PCDH9: variants seen among roughly 807,000 people sequenced by gnomAD.
PCDH9 encodes the protein protocadherin 9, also known as protocadherin-9.
Under a neutral mutation model 70.6 loss-of-function variants are expected in PCDH9, and 24 were observed. The ratio of observed to expected loss-of-function variants is 0.34; its 90% CI spans 0.25 to 0.48. The LOEUF (loss-of-function observed/expected upper bound fraction) is 0.48. Ranked by LOEUF, PCDH9 falls within the 20% of genes least tolerant of loss-of-function variation. The probability of loss-of-function intolerance (pLI) is 0.99; values close to 1 mark genes in which losing one functional copy is unlikely to be tolerated. For synonymous variants in PCDH9, 562 were observed against 558.5 expected, an observed-to-expected ratio of 1.01 and a Z score of -0.09; for missense variants, 1,281 against 1,503.6, an observed-to-expected ratio of 0.85 and a Z score of 2.45.
intron 4 of PCDH9, among the ~76,000 whole-genome samples, chr13:66,426,924 G>T (rs1242366636): frequency 1.3e-5 from 2 of 151,276 alleles, no homozygotes; most frequent in African/African-American, 4.8e-5. Flanking sequence ...TATAATTACT[G>T]CCTAGTTTAT....
Position 66,830,506 on chromosome 13 carries a change from C to T in PCDH9, c.3138+72998G>A, listed in dbSNP as rs186303077. Among the ~76,000 whole-genome samples the T allele has an allele frequency of 1.5e-3, 224 of 152,174 alleles. 1 individual carries two copies. The highest frequency in any genetic ancestry group is 4.7e-3 in the African/African-American group (197 of 41,518). On this transcript the variant is annotated intron_variant, in intron 3 of 4. Transcript: ENST00000377865. Reference sequence around the variant, plus strand: ...CAACATTAATACATGCATATGCTTACGTACTGGGCACATATAACTAAAAGT... The same window carrying T: ...CAACATTAATACATGCATATGCTTATGTACTGGGCACATATAACTAAAAGT...
chr13:66,427,771 T>C (rs962364650), intron 4 of PCDH9, among the ~76,000 whole-genome samples: 4 of 151,810 alleles, frequency 2.6e-5, no homozygotes, highest in East Asian at 1.9e-4. Flanking sequence ...TTTGGTGTCT[T>C]TGTATCAGGT....
intron 3 of PCDH9, among the ~76,000 whole-genome samples, chr13:66,860,323 G>A (rs1194024105): frequency 1.3e-5 from 2 of 152,070 alleles, no homozygotes; most frequent in Non-Finnish European, 2.9e-5. Context: ...CCACTTCTGT[G>A]CTTTATTGGC....
chr13:67,139,079 A>G (rs1254162063), intron 2 of PCDH9, among the ~76,000 whole-genome samples: 1 of 152,162 alleles, frequency 6.6e-6, no homozygotes, highest in Non-Finnish European at 1.5e-5. Flanking sequence ...ACTCTAGTCA[A>G]TCCTATCACA....
chr13:66,733,749 T>A (rs2079107329), intron 3 of PCDH9, among the ~76,000 whole-genome samples: 1 of 152,184 alleles, frequency 6.6e-6, no homozygotes, highest in South Asian at 2.1e-4. Flanking sequence ...CTTTATAATA[T>A]TGACTATTAA....
chr13:66,839,165 A>G (rs1236851710), intron 3 of PCDH9, among the ~76,000 whole-genome samples: 2 of 152,016 alleles, frequency 1.3e-5, no homozygotes, highest in East Asian at 3.9e-4. Flanking sequence ...TGAGATATAT[A>G]TATATAATAT....
At chr13:67,180,019 C>T (rs1017725420) in intron 2 of PCDH9, among the ~76,000 whole-genome samples, 7 of 152,246 alleles carry the variant, frequency 4.6e-5, no homozygotes, top group Middle Eastern at 3.4e-3. Context: ...GTCAATTCTT[C>T]ATCTAGATTA....
At chr13:66,703,588 G>A (rs1202380880) in intron 3 of PCDH9, among the ~76,000 whole-genome samples, 1 of 152,176 alleles carries the variant, frequency 6.6e-6, no homozygotes, top group African/African-American at 2.4e-5. Flanking sequence ...TGGACAGATA[G>A]ATTAATTGAA....
intron 4 of PCDH9, among the ~76,000 whole-genome samples, chr13:66,401,329 A>G (rs1957182428): frequency 6.8e-6 from 1 of 147,432 alleles, no homozygotes; most frequent in African/African-American, 2.6e-5. Flanking sequence ...GTGAGTTATC[A>G]TGGGATCTGA....
chr13:66,720,030 G>C (rs1258053457), intron 3 of PCDH9, among the ~76,000 whole-genome samples: 1 of 152,142 alleles, frequency 6.6e-6, no homozygotes. Flanking sequence ...ATTAACTGTT[G>C]ATCACCCAGC....
At chr13:66,658,193 G>A (rs1212017090) in intron 3 of PCDH9, among the ~76,000 whole-genome samples, 1 of 152,066 alleles carries the variant, frequency 6.6e-6, no homozygotes, top group African/African-American at 2.4e-5. Flanking sequence ...TTAGATTTTG[G>A]TTGTTTGAAT....
In PCDH9 at chr13:66,985,974, A is replaced by AT. The variant is rs1318937896; in HGVS notation, c.3037-82370dup. ...AACTTTATAAATGAATACATTGTCT[A>AT]TTTTTTAGTGGTGAGGTGTATTAGT... On this transcript the variant is annotated intron_variant, in intron 2 of 4. Coordinates refer to ENST00000377865, the MANE Select transcript of PCDH9 (RefSeq NM_203487.3). Among the ~76,000 whole-genome samples, 4 of 152,094 alleles carry AT rather than the reference A, an allele frequency of 2.6e-5. No individual in the cohort carries two copies. In the East Asian group the frequency reaches 7.7e-4, roughly 29 times the overall value.
At chr13:66,937,331 T>C (rs2082932997) in intron 2 of PCDH9, among the ~76,000 whole-genome samples, 1 of 152,228 alleles carries the variant, frequency 6.6e-6, no homozygotes, top group Non-Finnish European at 1.5e-5. Context: ...ATTCAGAAAT[T>C]CTAACTCTAA....
chr13:67,171,257 G>C (rs759716032), intron 2 of PCDH9, among the ~76,000 whole-genome samples: 8 of 152,130 alleles, frequency 5.3e-5, no homozygotes, highest in South Asian at 2.1e-4. Context: ...TGAAAATAGG[G>C]TATCTACAGT....
chr13:66,917,946 G>A (rs958010988), intron 2 of PCDH9, among the ~76,000 whole-genome samples: 1 of 151,212 alleles, frequency 6.6e-6, no homozygotes, highest in Non-Finnish European at 1.5e-5. Flanking sequence ...AAAATGATAT[G>A]TCTTAGGTGT....
chr13:66,757,859 G>T (rs1051661733), intron 3 of PCDH9, among the ~76,000 whole-genome samples: 4 of 151,950 alleles, frequency 2.6e-5, no homozygotes, highest in Admixed American at 2.6e-4. Flanking sequence ...AATAGAGCAA[G>T]ATCTTCCAGT....
At chr13:66,367,272 A>G (rs979111601) in intron 4 of PCDH9, among the ~76,000 whole-genome samples, 5 of 152,140 alleles carry the variant, frequency 3.3e-5, no homozygotes, top group African/African-American at 1.2e-4. Context: ...ACTAATAGGG[A>G]GAGTCATTTT....
intron 4 of PCDH9, among the ~76,000 whole-genome samples, chr13:66,514,920 T>C (rs1959661844): frequency 6.6e-6 from 1 of 152,094 alleles, no homozygotes; most frequent in African/African-American, 2.4e-5. Flanking sequence ...GAGACATTTG[T>C]CTCAGTTTAA....
chr13:66,753,497 T>G (rs1432380096), intron 3 of PCDH9, among the ~76,000 whole-genome samples: 1 of 152,182 alleles, frequency 6.6e-6, no homozygotes, highest in Non-Finnish European at 1.5e-5. Flanking sequence ...AAATTATTTT[T>G]TAATGTAAAG....
Sources: gnomAD v4.1 joint callset for allele counts (sites outside exome capture counted in the v4.1 genomes callset) on GRCh38, gnomAD v4.1.1 for gene constraint, MANE v1.5 for transcripts, NCBI Gene and HGNC (gene_info 2026-07-23, HGNC 2026-07-21) for gene names.